The following CPXM2 variants were observed in gnomAD, a reference collection of about 807,000 sequenced individuals.
CPXM2 encodes the protein inactive carboxypeptidase-like protein X2.
CPXM2 carries 66 observed loss-of-function variants against 86.1 expected under a neutral mutation model. The ratio of observed to expected loss-of-function variants is 0.77; its 90% confidence interval spans 0.63 to 0.94. The LOEUF is 0.94. Among genes scored for constraint, CPXM2 ranks in the 40% least tolerant of loss-of-function variants. The probability of loss-of-function intolerance (pLI) is 0.00; values close to 1 mark genes in which losing one functional copy is unlikely to be tolerated. For synonymous variants in CPXM2, 388 were observed against 400.2 expected (o/e 0.97, Z 0.36); for missense variants, 948 against 1,026.3 (o/e 0.92, Z 1.04).
intron 3 of CPXM2, among the ~76,000 whole-genome samples, chr10:123,851,379 T>C (rs1564797529): frequency 6.6e-6 from 1 of 152,190 alleles, no homozygotes; most frequent in Non-Finnish European, 1.5e-5. Flanking sequence ...GGCAGATATA[T>C]TGGGCATACA....
chr10:123,928,160 T>C (rs1213634647), intron 2 of CPXM2, among the ~76,000 whole-genome samples: 1 of 152,110 alleles, frequency 6.6e-6, no homozygotes, highest in Non-Finnish European at 1.5e-5. Flanking sequence ...TGGAAACTGG[T>C]TTCTTGAGTG....
At chr10:123,864,367 T>C (rs919599767) in intron 2 of CPXM2, among the ~76,000 whole-genome samples, 15 of 152,220 alleles carry the variant, frequency 9.9e-5, no homozygotes, top group African/African-American at 3.4e-4. Flanking sequence ...CTCTGCCAGC[T>C]GTGGTTTCAG....
rs1427417581 is a variant in CPXM2 at position 123,862,727 on chromosome 10, GAAAGGACAAATGC to G, written c.404-17_404-5del. 5.3e-6 allele frequency: 8 copies of G among 1,505,588 alleles called. No homozygotes were observed. Among genetic ancestry groups the G allele is most frequent in the Non-Finnish European group, 6.2e-6 (7 of 1,135,356 alleles). 93.3% of individuals were successfully genotyped at this position (1,505,588 alleles called of 1,614,324 possible). ...TCCAGACCAAGAGGTGGGCAACCTG[GAAAGGACAAATGC>G]TTGTTAAAAACAACGACAGATGCTG... On this transcript the variant is annotated splice_polypyrimidine_tract_variant and splice_region_variant and intron_variant, in intron 2 of 13. Transcript: ENST00000241305.
At chr10:123,801,239 G>C (rs527849889) in intron 4 of CPXM2, among the ~76,000 whole-genome samples, 24 of 152,270 alleles carry the variant, frequency 1.6e-4, no homozygotes, top group African/African-American at 5.5e-4. Flanking sequence ...AGTCTCACAA[G>C]ACCTGACGGT....
At chr10:123,927,752 G>C (rs1411401236) in intron 2 of CPXM2, among the ~76,000 whole-genome samples, 2 of 152,214 alleles carry the variant, frequency 1.3e-5, no homozygotes, top group East Asian at 3.8e-4. Context: ...CACTGCACCA[G>C]GCTTTGTTAC....
intron 9 of CPXM2, among the ~76,000 whole-genome samples, chr10:123,767,954 A>T (rs1457453734): frequency 6.6e-6 from 1 of 152,246 alleles, no homozygotes. Context: ...CATTGTGTAT[A>T]TAGCAATATT....
intron 4 of CPXM2, among the ~76,000 whole-genome samples, chr10:123,841,415 G>C (rs1848382766): frequency 6.6e-6 from 1 of 152,140 alleles, no homozygotes; most frequent in South Asian, 2.1e-4. Context: ...ACAGTTTTGT[G>C]GTATTAAGTT....
At position 123,768,598 on chromosome 10, in the gene CPXM2, G is replaced by A. The variant is rs748064476; in HGVS notation, c.1227C>T (p.His409=). ...EYLARNARIV[H]LVEETRIHVL... ...CGTGAATCCGCGTCTCCTCCACCAG[G>A]TGGACGATGCGCGCATTCCGGGCCA... Residue 409 remains histidine (H), a synonymous_variant, in exon 9 of 14, where the codon CAC becomes CAT. Coordinates refer to ENST00000241305, the MANE Select transcript of CPXM2 (RefSeq NM_198148.3). 3.7e-6 allele frequency: 6 copies of A among 1,614,048 alleles called. No individual in the cohort carries two copies. The highest frequency in any genetic ancestry group is 3.4e-6 in the Non-Finnish European group (4 of 1,179,992).
At chr10:123,943,526 C>G (rs558236789), upstream of CPXM2, among the ~76,000 whole-genome samples, 5 of 152,324 alleles carry the variant, frequency 3.3e-5, no homozygotes, top group African/African-American at 9.6e-5. Context: ...CAGGGACCAG[C>G]AGGCTGCAGA....
At chr10:123,756,960 G>T (rs1305805149) in intron 12 of CPXM2, among the ~76,000 whole-genome samples, 4 of 152,192 alleles carry the variant, frequency 2.6e-5, no homozygotes, top group Non-Finnish European at 5.9e-5. Context: ...CCTGTTCCCT[G>T]CGGAGCAGCA....
Position 123,761,995 on chromosome 10 carries a change from C to T in CPXM2, c.1654G>A (p.Ala552Thr), listed in dbSNP as rs1334039190. 6.2e-7 allele frequency: 1 copy of T among 1,613,514 alleles called. No homozygotes were observed. The highest frequency in any genetic ancestry group is 8.5e-7 in the Non-Finnish European group (1 of 1,179,714). ...TPDDHVFRWL[A>T]YSYASTHRLM... ...CGGTGTGTGGAGGCATAGGAGTAGGCCAGCCAGCGGAACACGTGGTCGTCG... is the reference window on the plus strand; with the variant it reads ...CGGTGTGTGGAGGCATAGGAGTAGGTCAGCCAGCGGAACACGTGGTCGTCG... The change falls in exon 11 of 14, where the codon GCC becomes ACC. Residue 552 changes from alanine to threonine, a missense_variant. Physicochemically the swap from Ala to Thr is moderately conservative, Grantham distance 58. Coordinates refer to ENST00000241305, the MANE Select transcript of CPXM2 (RefSeq NM_198148.3).
At chr10:123,794,644 G>A (rs1184336421) in intron 6 of CPXM2, among the ~76,000 whole-genome samples, 1 of 151,984 alleles carries the variant, frequency 6.6e-6, no homozygotes, top group Non-Finnish European at 1.5e-5. Context: ...GTGCAAAATG[G>A]ACTAGTCCAT....
chr10:123,817,488 G>A (rs1337150518), intron 4 of CPXM2, among the ~76,000 whole-genome samples: 2 of 152,082 alleles, frequency 1.3e-5, no homozygotes, highest in Admixed American at 6.5e-5. Context: ...TTTGTCTATG[G>A]GTCATCAAGT....
At chr10:123,854,363 TATATATATATAA>T (rs1848663964) in intron 3 of CPXM2, among the ~76,000 whole-genome samples, 1 of 111,618 alleles carries the variant, frequency 9.0e-6, no homozygotes, top group African/African-American at 4.1e-5. Flanking sequence ...TATATAAAAA[TATATATATATAA>T]TATATATATA....
chr10:123,864,341 C>T (rs1166395555), intron 2 of CPXM2, among the ~76,000 whole-genome samples: 1 of 152,054 alleles, frequency 6.6e-6, no homozygotes, highest in Non-Finnish European at 1.5e-5. Context: ...CTGGGAATAG[C>T]CTCTATTTAT....
At chr10:123,900,446 G>C (rs1350334807) in intron 2 of CPXM2, among the ~76,000 whole-genome samples, 1 of 152,192 alleles carries the variant, frequency 6.6e-6, no homozygotes, top group Non-Finnish European at 1.5e-5. Context: ...AACTCAAAAG[G>C]CTAACTACAT....
At chr10:123,841,173 T>C (rs1311553948) in intron 4 of CPXM2, among the ~76,000 whole-genome samples, 1 of 152,140 alleles carries the variant, frequency 6.6e-6, no homozygotes, top group Non-Finnish European at 1.5e-5. Flanking sequence ...AGAAAGCACC[T>C]GAGGTCCTGC....
At chr10:123,778,922 T>G (rs990667406) in intron 7 of CPXM2, among the ~76,000 whole-genome samples, 1 of 152,202 alleles carries the variant, frequency 6.6e-6, no homozygotes, top group Non-Finnish European at 1.5e-5. Flanking sequence ...ACATCCCACC[T>G]CTAAGTCTGT....
At chr10:123,759,513 T>C (rs1363077145) in intron 11 of CPXM2, among the ~76,000 whole-genome samples, 3 of 152,084 alleles carry the variant, frequency 2.0e-5, no homozygotes, top group Admixed American at 6.5e-5. Context: ...CCTTCCAGAG[T>C]GTATCGCCTT....
Sources: gnomAD v4.1 joint callset for allele counts (sites outside exome capture counted in the v4.1 genomes callset) on GRCh38, gnomAD v4.1.1 for gene constraint, MANE v1.5 for transcripts, NCBI Gene and HGNC (gene_info 2026-07-23, HGNC 2026-07-21) for gene names.